Variants in LIMA1 observed in about 807,000 individuals in gnomAD.
The protein encoded by LIMA1 is LIM domain and actin binding 1, also known as LIM domain and actin-binding protein 1.
In LIMA1, 52 loss-of-function variants were observed where a neutral mutation model predicts 62.6. That is an observed-to-expected ratio of 0.83 (90% CI 0.67 to 1.05). The LOEUF is 1.05. Ranked by LOEUF, LIMA1 falls within the 50% of genes least tolerant of loss-of-function variation. The pLI is 0.00. For missense variants in LIMA1, 780 were observed against 902.2 expected, an observed-to-expected ratio of 0.86 and a Z score of 1.74; for synonymous variants, 302 against 317.8, an observed-to-expected ratio of 0.95 and a Z score of 0.53.
At chr12:50,228,008 C>T (rs144939089) in intron 3 of LIMA1, among the ~76,000 whole-genome samples, 4,509 of 151,662 alleles carry the variant, frequency 0.03, 140 homozygotes, top group East Asian at 0.17. Flanking sequence ...TACAGGCGCC[C>T]GCCACCGTGC....
intron 1 of LIMA1, among the ~76,000 whole-genome samples, chr12:50,276,691 GA>G (rs1942279395): frequency 1.3e-5 from 2 of 152,100 alleles, no homozygotes; most frequent in African/African-American, 4.8e-5. Flanking sequence ...CCAATATGGA[GA>G]AACCCTGTCT....
In LIMA1 at chr12:50,248,576, C is replaced by G. The variant is rs1941883507; in HGVS notation, c.119+57G>C. ...GTACTTCCTTCACCAATTTCCCTGACAGGTGGCAATGTGTGCTCCAGACAG... is the reference window on the plus strand; with the variant it reads ...GTACTTCCTTCACCAATTTCCCTGAGAGGTGGCAATGTGTGCTCCAGACAG... On this transcript the variant is annotated intron_variant, in intron 2 of 10. Transcript: ENST00000341247. 1.9e-6 allele frequency: 2 copies of G among 1,050,108 alleles called. 1 individual carries two copies. 65.0% of individuals were successfully genotyped at this position (1,050,108 alleles called of 1,614,324 possible).
chr12:50,255,585 TAAAGA>T (rs1297069013), intron 1 of LIMA1, among the ~76,000 whole-genome samples: 3 of 138,818 alleles, frequency 2.2e-5, no homozygotes, highest in Non-Finnish European at 3.1e-5. Context: ...AAAAAAAAAG[TAAAGA>T]AAAGAAAGAA....
chr12:50,203,724 T>C (rs1941100692), intron 6 of LIMA1, among the ~76,000 whole-genome samples: 3 of 152,200 alleles, frequency 2.0e-5, no homozygotes, highest in Admixed American at 2.0e-4. Flanking sequence ...AATATCAAAA[T>C]TTTCATGCTT....
chr12:50,195,667 A>T, intron 8 of LIMA1, 163 bp downstream of exon 8: 1 of 523,356 alleles, frequency 1.9e-6, no homozygotes, highest in Non-Finnish European at 3.1e-6. Flanking sequence ...ACTTCTCCTT[A>T]AGCCATGAAG....
At chr12:50,193,650 G>A (rs10876012) in intron 8 of LIMA1, among the ~76,000 whole-genome samples, 27,473 of 64,034 alleles carry the variant, frequency 0.43, 5,445 homozygotes, top group East Asian at 0.81. Context: ...GTGTGTGTGT[G>A]TATATATATA....
At chr12:50,267,835 G>A (rs796253657) in intron 1 of LIMA1, among the ~76,000 whole-genome samples, 2 of 151,596 alleles carry the variant, frequency 1.3e-5, no homozygotes, top group African/African-American at 4.8e-5. Flanking sequence ...TTTTTCTTTT[G>A]GTGAAGAATG....
At position 50,194,163 on chromosome 12, in the gene LIMA1, G is replaced by A. The variant is rs1282767804; in HGVS notation, c.1031-1602C>T. Among the ~76,000 whole-genome samples, 11 of 147,690 alleles carry A rather than the reference G, an allele frequency of 7.4e-5. No homozygotes were observed. In the Admixed American group the frequency reaches 7.5e-4, roughly 10 times the overall value. On this transcript the variant is annotated intron_variant, in intron 8 of 10. Coordinates refer to ENST00000341247, the MANE Select transcript of LIMA1 (RefSeq NM_016357.5). ...CCACCACATCCGGCTAACTTTTTGT[G>A]TTTTTAATAGAGATGGGGTTTCACC...
Position 50,197,463 on chromosome 12 carries a change from G to A in LIMA1, c.973-1576C>T, listed in dbSNP as rs77689367. Among the ~76,000 whole-genome samples the A allele has an allele frequency of 6.2e-3, 945 of 152,124 alleles. 6 individuals are homozygous for A. The highest frequency in any genetic ancestry group is 0.01 in the Non-Finnish European group (695 of 68,008). The stretch of plus-strand genomic sequence containing the variant: ...GGCAAACAGCCAAAAGGATAGCTAA[G>A]GGTCTGAAAAACATTGCGAATTTTA... On this transcript the variant is annotated intron_variant, in intron 7 of 10. Transcript: ENST00000341247.
intron 4 of LIMA1, chr12:50,220,692 T>G (rs535729243): frequency 1.2e-4 from 18 of 152,354 alleles, no homozygotes; most frequent in African/African-American, 4.1e-4. Context: ...CTGACATTTT[T>G]TCCTTCCACT....
intron 3 of LIMA1, 24 bp downstream of exon 3, chr12:50,231,641 G>A (rs199879948): frequency 6.2e-7 from 1 of 1,611,682 alleles, no homozygotes; most frequent in African/African-American, 1.3e-5. Flanking sequence ...AGTGCCACAT[G>A]CCCTGGAATT....
intron 1 of LIMA1, among the ~76,000 whole-genome samples, chr12:50,254,962 A>G (rs1941975416): frequency 6.6e-6 from 1 of 151,742 alleles, no homozygotes; most frequent in African/African-American, 2.4e-5. Context: ...CGGGAGGGTG[A>G]GGCAGAAGAA....
chr12:50,176,766 A>T lies in LIMA1; in HGVS notation c.*298T>A. 3.6e-6 allele frequency: 1 copy of T among 277,854 alleles called. No homozygotes were observed. The highest frequency in any genetic ancestry group is 6.7e-6 in the Non-Finnish European group (1 of 149,754). The allele number at this position is 277,854 out of a possible 1,614,324, so 17.2% of individuals were successfully genotyped here. On this transcript the variant is annotated 3_prime_UTR_variant, in exon 11 of 11. Transcript: ENST00000341247. Reference sequence around the variant, plus strand: ...CCTTAATATTGCCTTTTGGGAATACAGTAGAATCTGGGCTATTATCAGGTG... The same window carrying T: ...CCTTAATATTGCCTTTTGGGAATACTGTAGAATCTGGGCTATTATCAGGTG...
intron 8 of LIMA1, among the ~76,000 whole-genome samples, chr12:50,194,453 C>G (rs555340651): frequency 6.6e-6 from 1 of 151,904 alleles, no homozygotes; most frequent in South Asian, 2.1e-4. Context: ...CCCACCACCA[C>G]GCCTGGCTAA....
intron 3 of LIMA1, among the ~76,000 whole-genome samples, chr12:50,230,143 T>C (rs1339926702): frequency 6.6e-6 from 1 of 152,228 alleles, no homozygotes; most frequent in African/African-American, 2.4e-5. Flanking sequence ...CAAGTGATTC[T>C]CCTGGCTCAG....
chr12:50,193,473 T>TTA (rs1051271865), intron 8 of LIMA1, among the ~76,000 whole-genome samples: 64 of 138,706 alleles, frequency 4.6e-4, no homozygotes, highest in African/African-American at 1.2e-3. Context: ...TACAAGAAAT[T>TTA]TATATATATA....
rs1015815952 is a variant in LIMA1, at chr12:50,248,616, C to T, written c.119+17G>A. ...GCTCCAGACAGATGGTCCTTTTGGACCAGGATCAGCACTTACTTGGAGAAT... is the reference window on the plus strand; with the variant it reads ...GCTCCAGACAGATGGTCCTTTTGGATCAGGATCAGCACTTACTTGGAGAAT... On this transcript the variant is annotated intron_variant, in intron 2 of 10. Coordinates refer to ENST00000341247, the MANE Select transcript of LIMA1 (RefSeq NM_016357.5). The T allele has an allele frequency of 4.0e-6, 6 of 1,491,772 alleles. No individual in the cohort carries two copies. Among genetic ancestry groups the T allele is most frequent in the Non-Finnish European group, 5.6e-6 (6 of 1,068,940 alleles). 92.4% of individuals were successfully genotyped at this position (1,491,772 alleles called of 1,614,324 possible).
At chr12:50,211,727 T>C (rs1941260320) in intron 4 of LIMA1, among the ~76,000 whole-genome samples, 1 of 152,014 alleles carries the variant, frequency 6.6e-6, no homozygotes, top group African/African-American at 2.4e-5. Flanking sequence ...TTCCAAGTGG[T>C]AATCTGAGGT....
chr12:50,192,309 C>A, intron 9 of LIMA1, 143 bp downstream of exon 9: 1 of 637,594 alleles, frequency 1.6e-6, no homozygotes, highest in Non-Finnish European at 2.8e-6. Flanking sequence ...GGGAAAGCGA[C>A]TGGCTTCAGT....
Sources: allele counts gnomAD v4.1 joint callset (sites outside exome capture counted in the v4.1 genomes callset), GRCh38; gene constraint gnomAD v4.1.1; transcripts MANE v1.5; gene names NCBI Gene and HGNC (gene_info 2026-07-23, HGNC 2026-07-21).